Variants in CTNND2 observed in about 807,000 individuals in gnomAD.
The protein encoded by CTNND2 is catenin delta 2, also known as catenin delta-2.
A neutral mutation model predicts 144.4 loss-of-function variants in CTNND2; 22 were observed. The observed-to-expected ratio is 0.15, with a 90% CI of 0.11 to 0.22. The LOEUF (loss-of-function observed/expected upper bound fraction) is 0.22, where lower values mean the gene tolerates loss of function less well. Ranked by LOEUF, CTNND2 falls within the 10% of genes least tolerant of loss-of-function variation. The pLI is 1.00. For missense variants in CTNND2, 1,353 were observed against 1,618.8 expected (o/e 0.84, Z 2.82); for synonymous variants, 751 against 695.6 (o/e 1.08, Z -1.25).
intron 3 of CTNND2, among the ~76,000 whole-genome samples, chr5:11,517,634 C>T (rs910675312): frequency 1.4e-5 from 2 of 147,488 alleles, no homozygotes; most frequent in Admixed American, 1.4e-4. Context: ...GTGTAGGGGG[C>T]AAGGGGAGGG....
At chr5:11,277,516 T>G (rs1258015645) in intron 9 of CTNND2, among the ~76,000 whole-genome samples, 4 of 147,378 alleles carry the variant, frequency 2.7e-5, no homozygotes, top group African/African-American at 4.9e-5. Flanking sequence ...ATTTATTTAT[T>G]TATTTATTTA....
chr5:11,361,172 C>G (rs1411408732), intron 8 of CTNND2, among the ~76,000 whole-genome samples: 1 of 152,242 alleles, frequency 6.6e-6, no homozygotes, highest in African/African-American at 2.4e-5. Flanking sequence ...TGGCGCCTGC[C>G]ACCATGCCCG....
intron 11 of CTNND2, among the ~76,000 whole-genome samples, chr5:11,176,340 G>A (rs1206878343): frequency 1.9e-5 from 1 of 51,596 alleles, no homozygotes; most frequent in Non-Finnish European, 4.1e-5. Context: ...CTTGGTGAGA[G>A]CAAGCTTTGA....
At chr5:11,444,914 G>C (rs970625728) in intron 3 of CTNND2, among the ~76,000 whole-genome samples, 3 of 152,172 alleles carry the variant, frequency 2.0e-5, no homozygotes, top group Admixed American at 6.5e-5. Context: ...GTAGCCATGA[G>C]GGGATCAGCT....
intron 1 of CTNND2, among the ~76,000 whole-genome samples, chr5:11,783,933 G>C (rs1259425719): frequency 6.6e-6 from 1 of 152,214 alleles, no homozygotes; most frequent in African/African-American, 2.4e-5. Context: ...AGATCACTTA[G>C]CAGAAAAGTG....
chr5:11,138,810 A>G (rs1050655196), intron 12 of CTNND2, among the ~76,000 whole-genome samples: 1 of 152,202 alleles, frequency 6.6e-6, no homozygotes, highest in African/African-American at 2.4e-5. Context: ...GCTCTGCTCC[A>G]TACATATCTC....
chr5:11,555,438 T>C (rs1169265224), intron 3 of CTNND2, among the ~76,000 whole-genome samples: 9 of 151,982 alleles, frequency 5.9e-5, no homozygotes, highest in Admixed American at 5.2e-4. Context: ...CACTAGTGAC[T>C]ACAAAAAAAG....
chr5:11,575,084 A>G (rs1777874961), intron 2 of CTNND2, among the ~76,000 whole-genome samples: 1 of 152,096 alleles, frequency 6.6e-6, no homozygotes, highest in African/African-American at 2.4e-5. Context: ...CTCACCCTCA[A>G]TCTCAGCACC....
chr5:11,047,568 C>T (rs1323320555), intron 16 of CTNND2, among the ~76,000 whole-genome samples: 2 of 152,148 alleles, frequency 1.3e-5, no homozygotes, highest in Non-Finnish European at 2.9e-5. Context: ...TGTGCCGTGA[C>T]TTTCGTTTAT....
At chr5:11,131,688 C>T (rs932778579) in intron 12 of CTNND2, among the ~76,000 whole-genome samples, 23 of 152,080 alleles carry the variant, frequency 1.5e-4, no homozygotes, top group Admixed American at 1.2e-3. Flanking sequence ...ACTCGGGAGG[C>T]TGAGGCAGGA....
chr5:11,811,421 A>G (rs1792326372), intron 1 of CTNND2, among the ~76,000 whole-genome samples: 1 of 152,222 alleles, frequency 6.6e-6, no homozygotes. Context: ...TACCCATTCC[A>G]CATGAGATTT....
chr5:11,391,269 C>T (rs774223543), intron 6 of CTNND2, among the ~76,000 whole-genome samples: 3 of 151,940 alleles, frequency 2.0e-5, no homozygotes, highest in Non-Finnish European at 4.4e-5. Flanking sequence ...TATATCAGCT[C>T]TGTGCTGCTG....
At chr5:11,043,471 C>A (rs1431897116) in intron 16 of CTNND2, among the ~76,000 whole-genome samples, 2 of 151,576 alleles carry the variant, frequency 1.3e-5, no homozygotes, top group African/African-American at 4.8e-5. Flanking sequence ...TTGCGCTATA[C>A]TAAAAAAAAT....
At chr5:11,728,385 C>G (rs199763516) in intron 2 of CTNND2, among the ~76,000 whole-genome samples, 5 of 152,126 alleles carry the variant, frequency 3.3e-5, no homozygotes, top group South Asian at 4.1e-4. Context: ...AGGAGAATCA[C>G]TTGAACCTGG....
chr5:11,631,582 C>G (rs10040836), intron 2 of CTNND2, among the ~76,000 whole-genome samples: 1 of 152,114 alleles, frequency 6.6e-6, no homozygotes, highest in Non-Finnish European at 1.5e-5. Context: ...TCACCACCTC[C>G]AAGTATAGAG....
intron 10 of CTNND2, among the ~76,000 whole-genome samples, chr5:11,210,038 C>A (rs1189397443): frequency 6.6e-6 from 1 of 152,188 alleles, no homozygotes; most frequent in Admixed American, 6.5e-5. Context: ...ACTTCCTTTT[C>A]TTTCTCCTCC....
At chr5:11,185,616 C>T (rs16901383) in intron 11 of CTNND2, among the ~76,000 whole-genome samples, 11,488 of 152,236 alleles carry the variant, frequency 0.075, 1,148 homozygotes, top group African/African-American at 0.23. Context: ...GATGGAAGAG[C>T]GAGTTGCTAA....
At chr5:11,644,907 C>G (rs1191548170) in intron 2 of CTNND2, among the ~76,000 whole-genome samples, 1 of 151,930 alleles carries the variant, frequency 6.6e-6, no homozygotes, top group Non-Finnish European at 1.5e-5. Context: ...AGTTTGATGG[C>G]AAAAAAGCAG....
intron 1 of CTNND2, among the ~76,000 whole-genome samples, chr5:11,740,320 T>G (rs1787930850): frequency 1.3e-5 from 2 of 152,106 alleles, no homozygotes; most frequent in African/African-American, 4.8e-5. Context: ...CAAAACAGCA[T>G]GGTACTGGTA....
Sources: allele counts gnomAD v4.1 joint callset (sites outside exome capture counted in the v4.1 genomes callset), GRCh38; gene constraint gnomAD v4.1.1; transcripts MANE v1.5; gene names NCBI Gene and HGNC (gene_info 2026-07-23, HGNC 2026-07-21).